ARSA: variants seen among roughly 807,000 people sequenced by gnomAD.
ARSA encodes the protein arylsulfatase A.
Under a neutral mutation model 37.8 loss-of-function variants are expected in ARSA, and 32 were observed. The observed-to-expected ratio is 0.85, with a 90% confidence interval of 0.64 to 1.14. The LOEUF (loss-of-function observed/expected upper bound fraction) is 1.14. ARSA is among the 50% of genes most tolerant of loss of function. The pLI is 0.00. For missense variants in ARSA, 685 were observed against 686.3 expected (o/e 1.00, Z 0.02); for synonymous variants, 303 against 303.4 (o/e 1.00, Z 0.01).
At position 50,622,952 on chromosome 22, in the gene ARSA, C is replaced by G. The variant is rs2082611016; in HGVS notation, c.*2193G>C. On this transcript the variant is annotated 3_prime_UTR_variant, in exon 8 of 8. Transcript: ENST00000216124. ...ACTCCTGAACCAATCACTGGATTGA[C>G]TGGCTCAGGCTGGTCACCGCCCTCC... The G allele has an allele frequency of 6.6e-6, 1 of 152,216 alleles. No individual in the cohort carries two copies. Among genetic ancestry groups the G allele is most frequent in the African/African-American group, 2.4e-5 (1 of 41,456 alleles). 9.4% of individuals were successfully genotyped at this position (152,216 alleles called of 1,614,324 possible).
chr22:50,627,726 G>A lies in ARSA; in HGVS notation c.54C>T (p.Ala18=), dbSNP rs2146728830. The part of the protein sequence containing the change: ...SLLLALAAGL[A]VARPPNIVLI... ...GCACGATGTTGGGCGGACGGGCAAC[G>A]GCCAGGCCAGCAGCCAGGGCCAGGA... Residue 18 remains alanine, a synonymous_variant, in exon 1 of 8, where the codon GCC becomes GCT. Coordinates refer to ENST00000216124, the MANE Select transcript of ARSA (RefSeq NM_000487.6). 1.8e-5 allele frequency: 28 copies of A among 1,553,080 alleles called. No individual in the cohort carries two copies. Among genetic ancestry groups the A allele is most frequent in the Non-Finnish European group, 2.4e-5 (27 of 1,148,438 alleles).
chr22:50,627,120 G>T, intron 2 of ARSA, 46 bp downstream of exon 2: 5 of 1,596,464 alleles, frequency 3.1e-6, no homozygotes, highest in Non-Finnish European at 4.3e-6. Context: ...AGGGCTGGGG[G>T]ACTTTGGGAG....
In ARSA at chr22:50,626,886, A is replaced by AT. The variant is rs1226064505; in HGVS notation, c.631dup (p.Met211AsnfsTer64). On this transcript the variant is annotated frameshift_variant, in exon 3 of 8. Coordinates refer to ENST00000216124, the MANE Select transcript of ARSA (RefSeq NM_000487.6). LOFTEE classifies it high-confidence loss of function. ...GCGATCCTGGCGCTGGGCGTCGGCCATGAGGTCATGGGCGAAAGCCATGTA... is the reference window on the plus strand; with the variant it reads ...GCGATCCTGGCGCTGGGCGTCGGCCATTGAGGTCATGGGCGAAAGCCATGTA... The AT allele has an allele frequency of 6.2e-7, 1 of 1,613,306 alleles. No individual in the cohort carries two copies. The highest frequency in any genetic ancestry group is 8.5e-7 in the Non-Finnish European group (1 of 1,179,894).
rs2082680409 is a variant in ARSA at position 50,626,918 on chromosome 22, C to A, written c.600G>T (p.Glu200Asp). Residue 200 changes from glutamate (E) to aspartate (D), a missense_variant, in exon 3 of 8, where the codon GAG (glutamate) becomes GAT (aspartate). Glu to Asp is a conservative substitution (Grantham distance 45). Transcript: ENST00000216124. ...EAQPPWLPGL[E>D]ARYMAFAHDL... Reference sequence around the variant, plus strand: ...CATGGGCGAAAGCCATGTAGCGGGCCTCTAGTCCGGGCAGCCAGGGGGGCT... The same window carrying A: ...CATGGGCGAAAGCCATGTAGCGGGCATCTAGTCCGGGCAGCCAGGGGGGCT... 3 of 1,613,092 alleles carry A rather than the reference C, an allele frequency of 1.9e-6. No homozygotes were observed. Among genetic ancestry groups the A allele is most frequent in the Non-Finnish European group, 2.5e-6 (3 of 1,179,888 alleles).
rs777871462 is a variant in ARSA at position 50,625,925 on chromosome 22, AC to A, written c.1107+10del. 2 of 1,568,940 alleles carry A rather than the reference AC, an allele frequency of 1.3e-6. No individual in the cohort carries two copies. The highest frequency in any genetic ancestry group is 8.6e-7 in the Non-Finnish European group (1 of 1,157,474). ...GGCCAAGGATCTGGGATCAGGGGTCACCGGCCCTACCTTGCCTGTGCCCAGC... is the reference window on the plus strand; with the variant it reads ...GGCCAAGGATCTGGGATCAGGGGTCACGGCCCTACCTTGCCTGTGCCCAGC... On this transcript the variant is annotated intron_variant, in intron 6 of 7. Coordinates refer to ENST00000216124, the MANE Select transcript of ARSA (RefSeq NM_000487.6).
Position 50,627,794 on chromosome 22 carries a change from T to C in ARSA, c.-15A>G, listed in dbSNP as rs909454884. On this transcript the variant is annotated 5_prime_UTR_variant, in exon 1 of 8. Transcript: ENST00000216124. ...CCCATGGACATGGGACCGAGGGGTC[T>C]GTCCCAAGAGAGGGAGGGCTACTTG... 6 of 1,539,072 alleles carry C rather than the reference T, an allele frequency of 3.9e-6. No individual in the cohort carries two copies. Among genetic ancestry groups the C allele is most frequent in the Non-Finnish European group, 5.2e-6 (6 of 1,145,884 alleles).
At chr22:50,626,785 A>G (rs533489012) in intron 3 of ARSA, 25 bp from the exon 4 acceptor site, 13 of 1,612,216 alleles carry the variant, frequency 8.1e-6, no homozygotes, top group Non-Finnish European at 1.1e-5. Flanking sequence ...TGGAGTTAGC[A>G]CTGGGTAGGG....
chr22:50,626,708 C>A lies in ARSA; in HGVS notation c.737G>T (p.Arg246Leu). The change falls in exon 4 of 8, where the codon CGC (arginine) becomes CTC (leucine). Residue 246 changes from arginine to leucine, a missense_variant. Arg to Leu is a moderately radical substitution (Grantham distance 102). Transcript: ENST00000216124. ...SGQSFAERSGRGPFGDSLMEL... is the reference protein window; with the variant it reads ...SGQSFAERSGLGPFGDSLMEL... ...CATCAGGGAGTCCCCAAATGGCCCG[C>A]GGCCTGAACGCTCTGCAAAGCTCTG... 6.2e-7 allele frequency: 1 copy of A among 1,614,124 alleles called. No individual in the cohort carries two copies. The highest frequency in any genetic ancestry group is 1.1e-5 in the South Asian group (1 of 91,086).
Position 50,625,669 on chromosome 22 carries a change from A to T in ARSA, c.1120T>A (p.Ser374Thr). The change falls in exon 7 of 8, where the codon TCT becomes ACT. Residue 374 changes from serine (S) to threonine (T), a missense_variant. Coordinates refer to ENST00000216124, the MANE Select transcript of ARSA (RefSeq NM_000487.6). ...LLGTGKSPRQSLFFYPSYPDE... is the reference protein window; with the variant it reads ...LLGTGKSPRQTLFFYPSYPDE... ...GGGTAGGACGGGTAGAAGAAGAGAG[A>T]CTGCCGAGGGCTCTGGGGGCAGAGT... 1 of 1,613,346 alleles carries T rather than the reference A, an allele frequency of 6.2e-7. No individual in the cohort carries two copies.
At position 50,626,298 on chromosome 22, in the gene ARSA, C is replaced by T; in HGVS notation, c.855-20G>A. Reference sequence around the variant, plus strand: ...TCAGGTCTGGGACACAGGAGGCGCTCATGAGCCATGGAGCCACAGCCTCTG... The same window carrying T: ...TCAGGTCTGGGACACAGGAGGCGCTTATGAGCCATGGAGCCACAGCCTCTG... On this transcript the variant is annotated intron_variant, in intron 4 of 7. Coordinates refer to ENST00000216124, the MANE Select transcript of ARSA (RefSeq NM_000487.6). The T allele has an allele frequency of 1.2e-6, 2 of 1,608,462 alleles. No individual in the cohort carries two copies. Among genetic ancestry groups the T allele is most frequent in the East Asian group, 2.2e-5 (1 of 44,816 alleles).
At position 50,626,617 on chromosome 22, in the gene ARSA, C is replaced by A; in HGVS notation, c.828G>T (p.Thr276=). 2 of 1,613,864 alleles carry A rather than the reference C, an allele frequency of 1.2e-6. No individual in the cohort carries two copies. Among genetic ancestry groups the A allele is most frequent in the Non-Finnish European group, 8.5e-7 (1 of 1,180,018 alleles). The change falls in exon 4 of 8, where the codon ACG becomes ACT. Residue 276 remains threonine, a synonymous_variant. Transcript: ENST00000216124. The part of the protein sequence containing the change: ...AIGDLGLLEE[T]LVIFTADNGP... ...CATTGTCTGCAGTGAAGATGACCAG[C>A]GTCTCTTCAAGCAGCCCCAGGTCCC...
rs6151411 is a variant in ARSA, at chr22:50,627,380, G to A, written c.251C>T (p.Pro84Leu). 9.3e-6 allele frequency: 15 copies of A among 1,606,416 alleles called. No homozygotes were observed. The highest frequency in any genetic ancestry group is 1.3e-5 in the African/African-American group (1 of 74,884). Residue 84 changes from proline to leucine, a missense_variant, in exon 2 of 8, where the codon CCG becomes CTG. Physicochemically the swap from Pro to Leu is moderately conservative, Grantham distance 98. Transcript: ENST00000216124. ...SRAALLTGRL[P>L]VRMGMYPGVL... The stretch of plus-strand genomic sequence containing the variant: ...GCCAGGGTACATGCCCATCCGAACC[G>A]GGAGCCGGCCGGTCAGGAGGGCGGC...
chr22:50,627,554 A>T lies in ARSA; in HGVS notation c.224+2T>A, dbSNP rs2146727518. On this transcript the variant is annotated splice_donor_variant, in intron 1 of 7. Transcript: ENST00000216124. LOFTEE classifies it high-confidence loss of function. The stretch of plus-strand genomic sequence containing the variant: ...GGGGAAGAGGCGCGGCCCCCTCTTT[A>T]CCTAGAGGGTGTGCACAGAGACACA... 2 of 1,559,420 alleles carry T rather than the reference A, an allele frequency of 1.3e-6. No individual in the cohort carries two copies. The highest frequency in any genetic ancestry group is 1.7e-6 in the Non-Finnish European group (2 of 1,151,426).
In ARSA at chr22:50,627,793, C is replaced by CT; in HGVS notation, c.-15dup. ...CCCCATGGACATGGGACCGAGGGGT[C>CT]TGTCCCAAGAGAGGGAGGGCTACTT... is the stretch of plus-strand genomic sequence containing the variant. On this transcript the variant is annotated 5_prime_UTR_variant, in exon 1 of 8. Transcript: ENST00000216124. 2 of 1,539,608 alleles carry CT rather than the reference C, an allele frequency of 1.3e-6. No homozygotes were observed. Among genetic ancestry groups the CT allele is most frequent in the Non-Finnish European group, 1.7e-6 (2 of 1,146,232 alleles).
At position 50,625,376 on chromosome 22, in the gene ARSA, C is replaced by T. The variant is rs1433733179; in HGVS notation, c.1299G>A (p.Leu433=). 1 of 1,606,432 alleles carries T rather than the reference C, an allele frequency of 6.2e-7. No homozygotes were observed. The highest frequency in any genetic ancestry group is 8.5e-7 in the Non-Finnish European group (1 of 1,175,394). The change falls in exon 8 of 8, where the codon CTG becomes CTA. Residue 433 remains leucine (L), a synonymous_variant. Coordinates refer to ENST00000216124, the MANE Select transcript of ARSA (RefSeq NM_000487.6). ...TGTAGTTCTCACCAGGGTCCTTGGA[C>T]AGGTCATAGAGCAGCGGGGGCTCAT... ...TAHEPPLLYD[L]SKDPGENYNL...
At chr22:50,626,308 G>A (rs1245740077) in intron 4 of ARSA, 30 bp from the exon 5 acceptor site, 1 of 1,606,624 alleles carries the variant, frequency 6.2e-7, no homozygotes, top group Admixed American at 1.7e-5. Flanking sequence ...CATGAGCCAT[G>A]GAGCCACAGC....
Position 50,627,814 on chromosome 22 carries a change from T to TGGAG in ARSA, c.-36_-35insCTCC. On this transcript the variant is annotated 5_prime_UTR_variant, in exon 1 of 8. Transcript: ENST00000216124. The stretch of plus-strand genomic sequence containing the variant: ...GGGTCTGTCCCAAGAGAGGGAGGGC[T>TGGAG]ACTTGGCTCCAGCAGGCTCTTTCCG... 6.6e-7 allele frequency: 1 copy of TGGAG among 1,521,476 alleles called. No homozygotes were observed. The highest frequency in any genetic ancestry group is 2.3e-4 in the Middle Eastern group (1 of 4,388). The allele number at this position is 1,521,476 out of a possible 1,614,324, so 94.2% of individuals were successfully genotyped here. A position where few individuals can be genotyped will look rare whatever the true frequency, so the allele number is the denominator to read the frequency against.
At chr22:50,625,889 G>T (rs911924815) in intron 6 of ARSA, 47 bp downstream of exon 6, 1 of 1,560,746 alleles carries the variant, frequency 6.4e-7, no homozygotes, top group East Asian at 2.4e-5. Context: ...CCAGGGGAAG[G>T]CCAGGACAGG....
At position 50,627,669 on chromosome 22, in the gene ARSA, G is replaced by C; in HGVS notation, c.111C>G (p.Asp37Glu). ...LIFADDLGYG[D>E]LGCYGHPSST... ...AGCTGGGGTGCCCATAGCAGCCCAGGTCCCCATAGCCGAGGTCGTCGGCAA... is the reference window on the plus strand; with the variant it reads ...AGCTGGGGTGCCCATAGCAGCCCAGCTCCCCATAGCCGAGGTCGTCGGCAA... Residue 37 changes from aspartate to glutamate, a missense_variant, in exon 1 of 8, where the codon GAC becomes GAG. Coordinates refer to ENST00000216124, the MANE Select transcript of ARSA (RefSeq NM_000487.6). The C allele has an allele frequency of 1.3e-6, 2 of 1,558,498 alleles. No homozygotes were observed. Among genetic ancestry groups the C allele is most frequent in the Non-Finnish European group, 1.7e-6 (2 of 1,150,832 alleles).
Sources: gnomAD v4.1 joint callset for allele counts on GRCh38, gnomAD v4.1.1 for gene constraint, MANE v1.5 for transcripts, NCBI Gene and HGNC (gene_info 2026-07-23, HGNC 2026-07-21) for gene names.